The following ARID5B variants were observed in gnomAD, a reference collection of about 807,000 sequenced individuals.
ARID5B encodes AT-rich interaction domain 5B.
In ARID5B, 13 loss-of-function variants were observed where a neutral mutation model predicts 97.2. The ratio of observed to expected loss-of-function variants is 0.13; its 90% CI spans 0.09 to 0.21. ARID5B has a LOEUF of 0.21. Among genes scored for constraint, ARID5B ranks in the 10% least tolerant of loss-of-function variants. The pLI is 1.00. For synonymous variants in ARID5B, 556 were observed against 570.3 expected, an observed-to-expected ratio of 0.97 and a Z score of 0.36; for missense variants, 1,210 against 1,465.3, an observed-to-expected ratio of 0.83 and a Z score of 2.84.
rs376739033 is a variant in ARID5B, at chr10:62,083,463, G to A, written c.1200-2239G>A. On this transcript the variant is annotated intron_variant, in intron 8 of 9. Coordinates refer to ENST00000279873, the MANE Select transcript of ARID5B (RefSeq NM_032199.3). Reference sequence around the variant, plus strand: ...AACCCAGAGTGAGGGGTCCTTGGGCGTCCATGGGGTGTCTCTCCCACCCAA... The same window carrying A: ...AACCCAGAGTGAGGGGTCCTTGGGCATCCATGGGGTGTCTCTCCCACCCAA... Among the ~76,000 whole-genome samples the A allele has an allele frequency of 1.1e-4, 16 of 152,214 alleles. No individual in the cohort carries two copies. In the East Asian group the frequency reaches 1.3e-3, roughly 13 times the overall value.
intron 2 of ARID5B, among the ~76,000 whole-genome samples, chr10:61,934,099 A>T (rs1396022428): frequency 9.9e-5 from 15 of 152,252 alleles, no homozygotes. Flanking sequence ...TGAAAGTTAC[A>T]GAGGCAGCTT....
chr10:62,093,010 C>T lies in ARID5B; in HGVS notation c.3547C>T (p.His1183Tyr). 3 of 1,609,074 alleles carry T rather than the reference C, an allele frequency of 1.9e-6. No homozygotes were observed. The highest frequency in any genetic ancestry group is 1.1e-5 in the South Asian group (1 of 90,684). ...TCCATCTTCCCAGCTGTCATCCGTG[C>T]ACCCCAGTACAAAACTGTAGGCTCA... is the stretch of plus-strand genomic sequence containing the variant. The part of the protein sequence containing the change: ...AFPSSQLSSV[H>Y]PSTKL The change falls in exon 10 of 10, where the codon CAC becomes TAC. Residue 1183 changes from histidine to tyrosine, a missense_variant. Around this residue, in one of 8 missense-constraint regions of ARID5B, gnomAD observed 54 missense variants for 67.4 expected, o/e 0.80. Transcript: ENST00000279873.
chr10:61,930,813 T>TA (rs1844197035), intron 2 of ARID5B, among the ~76,000 whole-genome samples: 1 of 152,268 alleles, frequency 6.6e-6, no homozygotes. Context: ...TGTGAAAAGG[T>TA]ATCATCTATC....
rs535780445 is a variant in ARID5B, at chr10:61,983,928, C to T, written c.503-16163C>T. On this transcript the variant is annotated intron_variant, in intron 3 of 9. Coordinates refer to ENST00000279873, the MANE Select transcript of ARID5B (RefSeq NM_032199.3). ...CGGAGTCTCGCTCTGTCGCCCAGGC[C>T]GGACTGCGGACTGCAGTGGCGCAAT... Among the ~76,000 whole-genome samples the T allele has an allele frequency of 2.7e-4, 12 of 44,020 alleles. 3 individuals are homozygous for T. The highest frequency in any genetic ancestry group is 5.3e-4 in the Non-Finnish European group (12 of 22,516). The allele number at this position is 44,020 out of a possible 152,430, so 28.9% of individuals were successfully genotyped here.
At chr10:62,012,130 A>G (rs887207685) in intron 4 of ARID5B, among the ~76,000 whole-genome samples, 1 of 152,208 alleles carries the variant, frequency 6.6e-6, no homozygotes, top group African/African-American at 2.4e-5. Context: ...TTCTGTGAGC[A>G]TGTACCATAT....
intron 2 of ARID5B, among the ~76,000 whole-genome samples, chr10:61,937,666 A>G (rs1844329125): frequency 6.6e-6 from 1 of 152,204 alleles, no homozygotes; most frequent in African/African-American, 2.4e-5. Flanking sequence ...CTCAGTTTGC[A>G]GAGAGCTAAT....
intron 2 of ARID5B, among the ~76,000 whole-genome samples, chr10:61,932,221 T>G (rs903676303): frequency 2.0e-5 from 3 of 152,074 alleles, no homozygotes; most frequent in African/African-American, 4.8e-5. Context: ...AAAAAAAAAG[T>G]ACATACCATA....
intron 2 of ARID5B, among the ~76,000 whole-genome samples, chr10:61,910,413 C>G (rs1163086524): frequency 6.6e-6 from 1 of 152,100 alleles, no homozygotes; most frequent in Admixed American, 6.5e-5. Context: ...AGTGACTACC[C>G]GTTGCCTTGG....
intron 3 of ARID5B, among the ~76,000 whole-genome samples, chr10:61,976,200 G>A (rs1484446320): frequency 6.6e-6 from 1 of 152,204 alleles, no homozygotes; most frequent in Non-Finnish European, 1.5e-5. Flanking sequence ...CATGGCTGTT[G>A]ACCACTTGAA....
intron 7 of ARID5B, among the ~76,000 whole-genome samples, chr10:62,064,645 A>G (rs1452599938): frequency 1.3e-5 from 2 of 151,862 alleles, no homozygotes; most frequent in African/African-American, 4.9e-5. Flanking sequence ...GGGACAGATT[A>G]TTTTTCCACT....
chr10:62,089,118 T>C (rs967179653), intron 9 of ARID5B, among the ~76,000 whole-genome samples: 3 of 152,230 alleles, frequency 2.0e-5, no homozygotes, highest in East Asian at 3.8e-4. Flanking sequence ...AACAATTAGA[T>C]GCAATTTGCC....
chr10:61,968,187 TACACACACACACAC>T (rs33990104), intron 3 of ARID5B, among the ~76,000 whole-genome samples: 4 of 138,192 alleles, frequency 2.9e-5, no homozygotes, highest in Non-Finnish European at 6.2e-5. Context: ...CACATATTTA[TACACACACACACAC>T]ACACACACAC....
In ARID5B at chr10:61,918,463, G is replaced by A. The variant is rs545452575; in HGVS notation, c.276+16050G>A. On this transcript the variant is annotated intron_variant, in intron 2 of 9. Transcript: ENST00000279873. ...TTGGTTATTGACCCTGCCCTCCCTG[G>A]TCAGGGACCACATCCTAAGTTTTGA... 5.3e-5 allele frequency among the ~76,000 whole-genome samples: 8 copies of A among 152,236 alleles called. No homozygotes were observed. The East Asian group carries it at 1.5e-3, about 29-fold the overall frequency.
At position 62,093,017 on chromosome 10, in the gene ARID5B, G is replaced by T; in HGVS notation, c.3554G>T (p.Ser1185Ile). The stretch of plus-strand genomic sequence containing the variant: ...TCCCAGCTGTCATCCGTGCACCCCA[G>T]TACAAAACTGTAGGCTCAGCTCTGC... ...PSSQLSSVHPSTKL is the reference protein window; with the variant it reads ...PSSQLSSVHPITKL The change falls in exon 10 of 10, where the codon AGT becomes ATT. Residue 1185 changes from serine to isoleucine, a missense_variant. Ser to Ile is a moderately radical substitution (Grantham distance 142). Coordinates refer to ENST00000279873, the MANE Select transcript of ARID5B (RefSeq NM_032199.3). 1 of 1,607,132 alleles carries T rather than the reference G, an allele frequency of 6.2e-7. No homozygotes were observed. Among genetic ancestry groups the T allele is most frequent in the Non-Finnish European group, 8.5e-7 (1 of 1,178,272 alleles).
rs1285691243 is a variant in ARID5B, at chr10:62,091,969, C to T, written c.2506C>T (p.His836Tyr). 1.9e-6 allele frequency: 3 copies of T among 1,613,700 alleles called. No homozygotes were observed. Among genetic ancestry groups the T allele is most frequent in the South Asian group, 2.2e-5 (2 of 90,966 alleles). Residue 836 changes from histidine to tyrosine, a missense_variant, in exon 10 of 10, where the codon CAT becomes TAT. This residue lies in a region of ARID5B where 800 missense variants were observed against 839.1 expected (regional missense o/e 0.95). Coordinates refer to ENST00000279873, the MANE Select transcript of ARID5B (RefSeq NM_032199.3). ...CCTGGCTGACTTCTACTCGTCCCCT[C>T]ATCTCCATAGCCTCTACAGACACAC... ...SFLADFYSSP[H>Y]LHSLYRHTEH...
In ARID5B at chr10:62,066,490, C is replaced by T. The variant is rs149540545; in HGVS notation, c.1102-3210C>T. On this transcript the variant is annotated intron_variant, in intron 7 of 9. Coordinates refer to ENST00000279873, the MANE Select transcript of ARID5B (RefSeq NM_032199.3). ...ATAGAGGAACCACTTCCTCGAAGGG[C>T]CAGACCTGTCTTCACTCCAGATGAT... is the stretch of plus-strand genomic sequence containing the variant. 1.1e-3 allele frequency among the ~76,000 whole-genome samples: 174 copies of T among 152,236 alleles called. No individual in the cohort carries two copies. In the Middle Eastern group the frequency reaches 0.02, roughly 18 times the overall value.
chr10:62,080,970 G>T (rs745524335), intron 8 of ARID5B, among the ~76,000 whole-genome samples: 1 of 151,970 alleles, frequency 6.6e-6, no homozygotes, highest in Non-Finnish European at 1.5e-5. Flanking sequence ...TTACAGGCAC[G>T]TACCACCATG....
At chr10:61,948,380 ATTTTTTTTTT>A (rs71470784) in intron 3 of ARID5B, among the ~76,000 whole-genome samples, 1 of 86,222 alleles carries the variant, frequency 1.2e-5, no homozygotes, top group Non-Finnish European at 2.2e-5. Context: ...ACTTTAGGTA[ATTTTTTTTTT>A]TTTTTTTTTT....
At chr10:61,961,991 C>T (rs1838477923) in intron 3 of ARID5B, among the ~76,000 whole-genome samples, 3 of 152,212 alleles carry the variant, frequency 2.0e-5, no homozygotes, top group South Asian at 4.1e-4. Flanking sequence ...TCAGGTGATC[C>T]GCCAGCCTAG....
Sources: gnomAD v4.1 joint callset for allele counts (sites outside exome capture counted in the v4.1 genomes callset) on GRCh38, gnomAD v4.1.1 for gene constraint, gnomAD v4.1.1 regional missense constraint, MANE v1.5 for transcripts, NCBI Gene and HGNC (gene_info 2026-07-23, HGNC 2026-07-21) for gene names.